The following ZFYVE28 variants were observed in gnomAD, a reference collection of about 807,000 sequenced individuals.
ZFYVE28 encodes the protein lateral signaling target protein 2 homolog.
A neutral mutation model predicts 82.1 loss-of-function variants in ZFYVE28; 40 were observed. That is an observed-to-expected ratio of 0.49 (90% CI 0.38 to 0.63). The LOEUF is 0.63. Ranked by LOEUF, ZFYVE28 falls within the 30% of genes least tolerant of loss-of-function variation. The pLI is 0.00. For synonymous variants in ZFYVE28, 612 were observed against 546.1 expected, an observed-to-expected ratio of 1.12 and a Z score of -1.68; for missense variants, 1,321 against 1,242.1, an observed-to-expected ratio of 1.06 and a Z score of -0.96.
chr4:2,390,563 C>T (rs887302033), intron 1 of ZFYVE28, among the ~76,000 whole-genome samples: 6 of 152,264 alleles, frequency 3.9e-5, no homozygotes, highest in Middle Eastern at 3.4e-3. Context: ...CGAGGTGACC[C>T]GGCCAGGTTT....
chr4:2,337,581 A>C, intron 4 of ZFYVE28, 85 bp from the exon 5 acceptor site: 1 of 1,093,338 alleles, frequency 9.1e-7, no homozygotes, highest in Non-Finnish European at 1.3e-6. Context: ...CTTCAATTAA[A>C]GCTGCAATGC....
chr4:2,327,017 C>T (rs531249721), intron 6 of ZFYVE28, among the ~76,000 whole-genome samples: 10 of 151,676 alleles, frequency 6.6e-5, no homozygotes, highest in South Asian at 4.2e-4. Context: ...TTTGGGAGGC[C>T]GAGGCAGGTG....
At position 2,270,555 on chromosome 4, in the gene ZFYVE28, G is replaced by A. The variant is rs1735816386; in HGVS notation, c.*170C>T. 4 of 1,014,626 alleles carry A rather than the reference G, an allele frequency of 3.9e-6. No individual in the cohort carries two copies. The highest frequency in any genetic ancestry group is 3.2e-5 in the African/African-American group (2 of 61,918). The allele number at this position is 1,014,626 out of a possible 1,614,324, so 62.9% of individuals were successfully genotyped here. On this transcript the variant is annotated 3_prime_UTR_variant, in exon 13 of 13. Transcript: ENST00000290974. ...CCCCTGCAGCCGGCCCGGGGTCCCT[G>A]CAGGGAGGCTAGCGTGGGCAGGACA...
At chr4:2,293,669 C>T (rs927919401) in intron 8 of ZFYVE28, among the ~76,000 whole-genome samples, 16 of 147,506 alleles carry the variant, frequency 1.1e-4, no homozygotes, top group Admixed American at 2.1e-4. Context: ...AGGAGAATGG[C>T]GTGAACCCAG....
Position 2,334,634 on chromosome 4 carries a change from C to G in ZFYVE28, c.701+1071G>C, listed in dbSNP as rs112087149. On this transcript the variant is annotated intron_variant, in intron 6 of 12. Coordinates refer to ENST00000290974, the MANE Select transcript of ZFYVE28 (RefSeq NM_020972.3). ...GGCCTCTGTGCCCACCCCCCACTCC[C>G]CGACCACTTCACTGACATCCACATC... 3.8e-3 allele frequency among the ~76,000 whole-genome samples: 583 copies of G among 151,698 alleles called. 3 individuals are homozygous for G. Among genetic ancestry groups the G allele is most frequent in the Non-Finnish European group, 6.3e-3 (427 of 67,794 alleles).
chr4:2,328,245 T>C (rs1196941350), intron 6 of ZFYVE28, among the ~76,000 whole-genome samples: 1 of 152,218 alleles, frequency 6.6e-6, no homozygotes, highest in Admixed American at 6.5e-5. Context: ...ATTCTGACAT[T>C]TGTGAAAAAT....
At position 2,331,046 on chromosome 4, in the gene ZFYVE28, G is replaced by C. The variant is rs762709091; in HGVS notation, c.701+4659C>G. The C allele has an allele frequency of 7.4e-6, 11 of 1,492,850 alleles. No individual in the cohort carries two copies. The African/African-American group carries it at 1.4e-4, about 19-fold the overall frequency. 92.5% of individuals were successfully genotyped at this position (1,492,850 alleles called of 1,614,324 possible). ...TGTTCTGGGATGGGCTGGAAGGAGG[G>C]GGCTGGGGAGGAAGGCAGGGGTAGA... On this transcript the variant is annotated intron_variant, in intron 6 of 12. Coordinates refer to ENST00000290974, the MANE Select transcript of ZFYVE28 (RefSeq NM_020972.3).
chr4:2,396,049 A>C (rs116608013), intron 1 of ZFYVE28, among the ~76,000 whole-genome samples: 6,422 of 137,716 alleles, frequency 0.047, 468 homozygotes, highest in African/African-American at 0.14. Context: ...CTGATGGGAC[A>C]AGCTATCCTG....
chr4:2,273,922 G>A (rs1322870263), intron 9 of ZFYVE28, 140 bp downstream of exon 9: 4 of 951,714 alleles, frequency 4.2e-6, no homozygotes, highest in South Asian at 1.6e-5. Flanking sequence ...ATGAACAGGA[G>A]TGCTGGCTCC....
At chr4:2,309,536 A>G (rs1311899624) in intron 7 of ZFYVE28, among the ~76,000 whole-genome samples, 1 of 152,220 alleles carries the variant, frequency 6.6e-6, no homozygotes, top group Non-Finnish European at 1.5e-5. Context: ...TAGTTTGAAG[A>G]TGCTCCTGAG....
chr4:2,405,572 T>A (rs1041696807), intron 1 of ZFYVE28, among the ~76,000 whole-genome samples: 2 of 152,174 alleles, frequency 1.3e-5, no homozygotes, highest in African/African-American at 4.8e-5. Context: ...CTCTGAGATC[T>A]GCAGGCCAGG....
At chr4:2,397,259 G>A (rs1366780473) in intron 1 of ZFYVE28, among the ~76,000 whole-genome samples, 2 of 151,878 alleles carry the variant, frequency 1.3e-5, no homozygotes, top group African/African-American at 4.8e-5. Context: ...ATCACCTGAG[G>A]TCAGGTCAGG....
In ZFYVE28 at chr4:2,304,978, C is replaced by T; in HGVS notation, c.1362G>A (p.Lys454=). The T allele has an allele frequency of 6.2e-7, 1 of 1,612,624 alleles. No homozygotes were observed. The highest frequency in any genetic ancestry group is 2.2e-5 in the East Asian group (1 of 44,886). Residue 454 remains lysine (K), a synonymous_variant, in exon 8 of 13, where the codon AAG becomes AAA. Coordinates refer to ENST00000290974, the MANE Select transcript of ZFYVE28 (RefSeq NM_020972.3). ...GATTGTTGTTGCTCAAGTCCTCCTC[C>T]TTTTCCGAGGCGGGCAAGCTGATCC... ...AAGISLPASE[K]EEDLSNNNLE... is the part of the protein sequence containing the mutation.
Position 2,327,310 on chromosome 4 carries a change from C to A in ZFYVE28, c.702-7039G>T, listed in dbSNP as rs2105846. On this transcript the variant is annotated intron_variant, in intron 6 of 12. Coordinates refer to ENST00000290974, the MANE Select transcript of ZFYVE28 (RefSeq NM_020972.3). ...TATATATATATATATATATATATAT[C>A]GAATAAAGTTGCCATCAAACAGTAA... 2.2e-3 allele frequency among the ~76,000 whole-genome samples: 136 copies of A among 63,092 alleles called. 2 individuals are homozygous for A. The highest frequency in any genetic ancestry group is 3.7e-3 in the South Asian group (7 of 1,870). The allele number at this position is 63,092 out of a possible 152,430, so 41.4% of individuals were successfully genotyped here.
At chr4:2,288,164 C>T (rs1713049972) in intron 8 of ZFYVE28, among the ~76,000 whole-genome samples, 1 of 152,120 alleles carries the variant, frequency 6.6e-6, no homozygotes, top group South Asian at 2.1e-4. Flanking sequence ...AGGAGGCGGC[C>T]TGGCCTGAGC....
chr4:2,380,381 G>A (rs1276009146), intron 1 of ZFYVE28, among the ~76,000 whole-genome samples: 1 of 152,212 alleles, frequency 6.6e-6, no homozygotes, highest in Non-Finnish European at 1.5e-5. Context: ...GGAACTTCCT[G>A]CCACTCCAAG....
In ZFYVE28 at chr4:2,271,417, G is replaced by C; in HGVS notation, c.2429-3C>G. ...GTCTGGCACCCACTCCGGGGGGTCTGTCACAACAACAGCAGCGTCACATCA... is the reference window on the plus strand; with the variant it reads ...GTCTGGCACCCACTCCGGGGGGTCTCTCACAACAACAGCAGCGTCACATCA... On this transcript the variant is annotated splice_polypyrimidine_tract_variant and splice_region_variant and intron_variant, in intron 11 of 12. Coordinates refer to ENST00000290974, the MANE Select transcript of ZFYVE28 (RefSeq NM_020972.3). 6.2e-7 allele frequency: 1 copy of C among 1,612,348 alleles called. No homozygotes were observed. The highest frequency in any genetic ancestry group is 8.5e-7 in the Non-Finnish European group (1 of 1,179,580).
At chr4:2,309,574 A>G (rs1429966325) in intron 7 of ZFYVE28, among the ~76,000 whole-genome samples, 1 of 139,358 alleles carries the variant, frequency 7.2e-6, no homozygotes, top group African/African-American at 2.8e-5. Context: ...CACGTTATCT[A>G]CATAAAATGG....
At chr4:2,381,447 C>G (rs754396099) in intron 1 of ZFYVE28, among the ~76,000 whole-genome samples, 10 of 152,172 alleles carry the variant, frequency 6.6e-5, no homozygotes, top group Non-Finnish European at 1.3e-4. Flanking sequence ...CGCTGTGACA[C>G]CCAGGCTGGA....
Sources: gnomAD v4.1 joint callset for allele counts (sites outside exome capture counted in the v4.1 genomes callset) on GRCh38, gnomAD v4.1.1 for gene constraint, MANE v1.5 for transcripts, NCBI Gene and HGNC (gene_info 2026-07-23, HGNC 2026-07-21) for gene names.